Variants in PAM observed in about 807,000 individuals in gnomAD.
PAM encodes the protein peptidylglycine alpha-amidating monooxygenase.
In PAM, 72 loss-of-function variants were observed where a neutral mutation model predicts 122.1. The ratio of observed to expected loss-of-function variants is 0.59; its 90% CI spans 0.49 to 0.72. The LOEUF (loss-of-function observed/expected upper bound fraction) is 0.72. PAM is among the 30% of genes least tolerant of loss of function. The pLI is 0.00. For missense variants in PAM, 1,106 were observed against 1,183.7 expected (o/e 0.93, Z 0.96); for synonymous variants, 389 against 404.4 (o/e 0.96, Z 0.46).
chr5:102,773,018 TA>T (rs1009754946), intron 1 of PAM, among the ~76,000 whole-genome samples: 3 of 152,110 alleles, frequency 2.0e-5, no homozygotes, highest in African/African-American at 7.2e-5. Flanking sequence ...ATGCCAATTT[TA>T]ATGGGTGTTA....
chr5:102,920,167 TG>T (rs1485819274), intron 5 of PAM, among the ~76,000 whole-genome samples: 5 of 152,126 alleles, frequency 3.3e-5, no homozygotes, highest in Non-Finnish European at 5.9e-5. Context: ...TCTGTAAAAT[TG>T]GGCTACTAAT....
intron 3 of PAM, among the ~76,000 whole-genome samples, chr5:102,883,498 A>C (rs748862565): frequency 1.3e-5 from 2 of 151,890 alleles, no homozygotes; most frequent in African/African-American, 4.8e-5. Flanking sequence ...TGAGTCCTTG[A>C]TTTGATTCTC....
In PAM at chr5:103,006,808, A is replaced by G; in HGVS notation, c.1811A>G (p.Lys604Arg). ...VTDVALHQVF[K>R]LDPNNKEGPV... ...TTGTTCCTTTTTAAAAAGGTGTTCA[A>G]ACTGGATCCAAACAATAAAGAAGGC... is the stretch of plus-strand genomic sequence containing the variant. The change falls in exon 19 of 26, where the codon AAA (lysine) becomes AGA (arginine). Residue 604 changes from lysine (K) to arginine (R), a missense_variant. Lys to Arg is a conservative substitution (Grantham distance 26). Transcript: ENST00000438793. 1 of 1,611,768 alleles carries G rather than the reference A, an allele frequency of 6.2e-7. No homozygotes were observed. The highest frequency in any genetic ancestry group is 2.2e-5 in the East Asian group (1 of 44,866).
chr5:102,799,201 C>T (rs1454211501), intron 1 of PAM, among the ~76,000 whole-genome samples: 1 of 152,170 alleles, frequency 6.6e-6, no homozygotes, highest in Non-Finnish European at 1.5e-5. Context: ...TCGGATTTGG[C>T]ATTTTAACAA....
At chr5:102,774,901 C>G (rs1428051663) in intron 1 of PAM, among the ~76,000 whole-genome samples, 1 of 151,846 alleles carries the variant, frequency 6.6e-6, no homozygotes, top group African/African-American at 2.4e-5. Context: ...TCAATGTCTT[C>G]TCTTTTTTAT....
chr5:102,849,978 A>T (rs757932480), intron 1 of PAM, among the ~76,000 whole-genome samples: 8 of 152,194 alleles, frequency 5.3e-5, no homozygotes, highest in Non-Finnish European at 1.0e-4. Flanking sequence ...TCATTTTAAA[A>T]ATCATTTAAA....
chr5:102,812,520 T>C (rs982117035), intron 1 of PAM, among the ~76,000 whole-genome samples: 1 of 152,200 alleles, frequency 6.6e-6, no homozygotes, highest in African/African-American at 2.4e-5. Context: ...CATATTCTTT[T>C]TTTATTTTTG....
At chr5:102,846,424 G>A (rs900837419) in intron 1 of PAM, among the ~76,000 whole-genome samples, 2 of 152,076 alleles carry the variant, frequency 1.3e-5, no homozygotes, top group Non-Finnish European at 2.9e-5. Flanking sequence ...AACTCAACTT[G>A]CTGTCTCCTG....
chr5:102,999,920 A>T (rs1158045697), intron 16 of PAM, among the ~76,000 whole-genome samples: 1 of 152,160 alleles, frequency 6.6e-6, no homozygotes, highest in Non-Finnish European at 1.5e-5. Context: ...TGCCCTGGAG[A>T]CATTTTCCCT....
At chr5:102,780,854 TC>T (rs1758755933) in intron 1 of PAM, among the ~76,000 whole-genome samples, 2 of 149,528 alleles carry the variant, frequency 1.3e-5, no homozygotes, top group African/African-American at 2.5e-5. Context: ...TCTCTCTCTC[TC>T]TCTCTTTCTT....
At chr5:102,928,043 G>T (rs11952337) in intron 7 of PAM, among the ~76,000 whole-genome samples, 1 of 151,922 alleles carries the variant, frequency 6.6e-6, no homozygotes, top group Non-Finnish European at 1.5e-5. Flanking sequence ...CAGACAGATT[G>T]TGAGACTGCT....
intron 24 of PAM, among the ~76,000 whole-genome samples, chr5:103,027,571 G>C (rs952043327): frequency 5.3e-5 from 8 of 152,152 alleles, no homozygotes; most frequent in Non-Finnish European, 1.2e-4. Flanking sequence ...AGGCAGTCCT[G>C]TTGGGAACAT....
intron 15 of PAM, 25 bp from the exon 16 acceptor site, chr5:102,990,247 C>A: frequency 1.3e-6 from 2 of 1,504,698 alleles, no homozygotes; most frequent in South Asian, 1.4e-5. Flanking sequence ...CCCTTTTACA[C>A]TAAATGTGTG....
intron 1 of PAM, among the ~76,000 whole-genome samples, chr5:102,815,255 G>A (rs1348001942): frequency 2.0e-5 from 3 of 152,058 alleles, no homozygotes; most frequent in Admixed American, 6.6e-5. Context: ...TGGTTATAGA[G>A]CGAAGAAAGT....
chr5:102,757,242 G>T (rs1239146513), intron 1 of PAM, among the ~76,000 whole-genome samples: 1 of 152,066 alleles, frequency 6.6e-6, no homozygotes, highest in Non-Finnish European at 1.5e-5. Flanking sequence ...CAGGAGAATC[G>T]CTTGAACCTG....
intron 4 of PAM, among the ~76,000 whole-genome samples, chr5:102,911,541 C>T (rs1377517388): frequency 6.6e-6 from 1 of 151,846 alleles, no homozygotes; most frequent in Non-Finnish European, 1.5e-5. Flanking sequence ...AGAATTTATA[C>T]TTTGATTAAT....
intron 5 of PAM, among the ~76,000 whole-genome samples, chr5:102,917,975 A>G (rs1277944208): frequency 1.3e-5 from 2 of 152,184 alleles, no homozygotes; most frequent in Non-Finnish European, 2.9e-5. Context: ...AGCAGCTCAC[A>G]TTGGCAATGT....
At chr5:102,817,231 GA>G (rs1231473600) in intron 1 of PAM, among the ~76,000 whole-genome samples, 1 of 151,968 alleles carries the variant, frequency 6.6e-6, no homozygotes, top group Non-Finnish European at 1.5e-5. Context: ...CCTTGTAGTT[GA>G]ACATTAGGTT....
chr5:102,780,813 TTCTTTCTTTC>T (rs1262031513), intron 1 of PAM, among the ~76,000 whole-genome samples: 3 of 141,536 alleles, frequency 2.1e-5, no homozygotes, highest in Non-Finnish European at 4.6e-5. Context: ...CTTTCTTTCT[TTCTTTCTTTC>T]TTTCTTTCTT....
Sources: gnomAD v4.1 joint callset for allele counts (sites outside exome capture counted in the v4.1 genomes callset) on GRCh38, gnomAD v4.1.1 for gene constraint, MANE v1.5 for transcripts, NCBI Gene and HGNC (gene_info 2026-07-23, HGNC 2026-07-21) for gene names.